The following TMEM186 variants were observed in gnomAD, a reference collection of about 807,000 sequenced individuals.
TMEM186 encodes the protein transmembrane protein 186.
A neutral mutation model predicts 2.5 loss-of-function variants in TMEM186; 2 were observed. That is an observed-to-expected ratio of 0.79 (90% CI 0.32 to 2.50). The LOEUF is 2.50. TMEM186 is among the 30% of genes most tolerant of loss of function. TMEM186 has a pLI of 0.11. For missense variants in TMEM186, 321 were observed against 276.5 expected, an observed-to-expected ratio of 1.16 and a Z score of -1.14; for synonymous variants, 120 against 104.9, an observed-to-expected ratio of 1.14 and a Z score of -0.88.
At chr16:8,797,226 G>A (rs1844763567) in intron 1 of TMEM186, among the ~76,000 whole-genome samples, 1 of 152,150 alleles carries the variant, frequency 6.6e-6, no homozygotes, top group Admixed American at 6.5e-5. Flanking sequence ...GTATTACTAG[G>A]TGGGTAGTGA....
chr16:8,795,778 A>G lies in TMEM186; in HGVS notation c.*174T>C, dbSNP rs2060571500. 1 of 784,674 alleles carries G rather than the reference A, an allele frequency of 1.3e-6. No homozygotes were observed. The highest frequency in any genetic ancestry group is 1.7e-5 in the African/African-American group (1 of 57,720). The allele number at this position is 784,674 out of a possible 1,614,324, so 48.6% of individuals were successfully genotyped here. A position where few individuals can be genotyped will look rare whatever the true frequency, so the allele number is the denominator to read the frequency against. The stretch of plus-strand genomic sequence containing the variant: ...GAACTTGCTTAGAGCCTTTTTCCTA[A>G]ACCTGTACACCAGCTCTTGCCTTGT... On this transcript the variant is annotated 3_prime_UTR_variant, in exon 2 of 2. Transcript: ENST00000333050.
In TMEM186 at chr16:8,796,307, C is replaced by A. The variant is rs752119370; in HGVS notation, c.287G>T (p.Gly96Val). 6.2e-7 allele frequency: 1 copy of A among 1,614,192 alleles called. No homozygotes were observed. The highest frequency in any genetic ancestry group is 1.7e-5 in the Admixed American group (1 of 60,026). ...LPPGYYLYSQ[G>V]LLTLNTVCLM... ...GCACACGGTGTTGAGAGTGAGGAGG[C>A]CCTGGGAGTACAAGTAATAGCCTGG... Residue 96 changes from glycine (G) to valine (V), a missense_variant, in exon 2 of 2, where the codon GGC becomes GTC. By Grantham distance (109) the Gly-to-Val change is moderately radical. Coordinates refer to ENST00000333050, the MANE Select transcript of TMEM186 (RefSeq NM_015421.4).
chr16:8,795,266 G>GT lies in TMEM186; in HGVS notation c.*685dup, dbSNP rs2060568639. 1 of 152,258 alleles carries GT rather than the reference G, an allele frequency of 6.6e-6. No individual in the cohort carries two copies. The highest frequency in any genetic ancestry group is 2.4e-5 in the African/African-American group (1 of 41,418). The allele number at this position is 152,258 out of a possible 1,614,324, so 9.4% of individuals were successfully genotyped here. A position where few individuals can be genotyped will look rare whatever the true frequency, so the allele number is the denominator to read the frequency against. ...GGGTGGTGAACAAATCTCAACTGGG[G>GT]TTTCGTGCCTACCTGGACGACATCT... On this transcript the variant is annotated 3_prime_UTR_variant, in exon 2 of 2. Transcript: ENST00000333050.
At chr16:8,797,453 GC>G (rs1050265632) in intron 1 of TMEM186, among the ~76,000 whole-genome samples, 158 bp downstream of exon 1, 21 of 21,506 alleles carry the variant, frequency 9.8e-4, no homozygotes, top group African/African-American at 2.5e-3. Flanking sequence ...CCCAAGGAGG[GC>G]AAGAGAAAGC....
At position 8,796,069 on chromosome 16, in the gene TMEM186, A is replaced by C. The variant is rs1408896207; in HGVS notation, c.525T>G (p.Phe175Leu). The C allele has an allele frequency of 3.7e-6, 6 of 1,614,238 alleles. No individual in the cohort carries two copies. The highest frequency in any genetic ancestry group is 5.1e-6 in the Non-Finnish European group (6 of 1,180,042). ...TCCCACTGTACCGCTGGATACGCAC[A>C]AACATCTCCTGAGGCCGGTCCTTGG... ...TETKDRPQEM[F>L]VRIQRYSGKQ... The change falls in exon 2 of 2, where the codon TTT becomes TTG. Residue 175 changes from phenylalanine (F) to leucine (L), a missense_variant. Transcript: ENST00000333050.
Position 8,796,024 on chromosome 16 carries a change from G to A in TMEM186, c.570C>T (p.Thr190=). ...RYSGKQTFYV[T]LRYGRILDRE... ...TGTCCAGGATGCGTCCATAGCGCAG[G>A]GTGACGTAGAAGGTCTGTTTCCCAC... The change falls in exon 2 of 2, where the codon ACC becomes ACT. Residue 190 remains threonine (T), a synonymous_variant. Coordinates refer to ENST00000333050, the MANE Select transcript of TMEM186 (RefSeq NM_015421.4). The A allele has an allele frequency of 3.1e-6, 5 of 1,614,198 alleles. No individual in the cohort carries two copies. In the South Asian group the frequency reaches 4.4e-5, roughly 14 times the overall value.
Position 8,795,857 on chromosome 16 carries a change from G to C in TMEM186, c.*95C>G. The C allele has an allele frequency of 1.4e-6, 2 of 1,428,754 alleles. No individual in the cohort carries two copies. The highest frequency in any genetic ancestry group is 2.5e-4 in the Middle Eastern group (1 of 3,946). 88.5% of individuals were successfully genotyped at this position (1,428,754 alleles called of 1,614,324 possible). A position where few individuals can be genotyped will look rare whatever the true frequency, so the allele number is the denominator to read the frequency against. On this transcript the variant is annotated 3_prime_UTR_variant, in exon 2 of 2. Coordinates refer to ENST00000333050, the MANE Select transcript of TMEM186 (RefSeq NM_015421.4). ...CCAGGGGCCCAGGCAAAGTCTCCAAGTACCCAGTCCCCTTTCTTCAGCCTT... is the reference window on the plus strand; with the variant it reads ...CCAGGGGCCCAGGCAAAGTCTCCAACTACCCAGTCCCCTTTCTTCAGCCTT...
At chr16:8,796,925 T>C (rs2060580585) in intron 1 of TMEM186, among the ~76,000 whole-genome samples, 1 of 152,152 alleles carries the variant, frequency 6.6e-6, no homozygotes, top group East Asian at 1.9e-4. Flanking sequence ...CGGCCGTCAT[T>C]AATTCAAAAC....
Position 8,796,542 on chromosome 16 carries a change from C to T in TMEM186, c.52G>A (p.Glu18Lys), listed in dbSNP as rs764063675. The T allele has an allele frequency of 2.5e-6, 4 of 1,614,046 alleles. No homozygotes were observed. The South Asian group carries it at 4.4e-5, about 18-fold the overall frequency. ...VRRFRGKAVW[E>K]RPLHGLWCCS... Reference sequence around the variant, plus strand: ...CACCACAGCCCATGGAGAGGCCTTTCCCACACAGCTTTTCCCCGAAACCTA... The same window carrying T: ...CACCACAGCCCATGGAGAGGCCTTTTCCACACAGCTTTTCCCCGAAACCTA... The change falls in exon 2 of 2, where the codon GAA (glutamate) becomes AAA (lysine). Residue 18 changes from glutamate (E) to lysine (K), a missense_variant. By Grantham distance (56) the Glu-to-Lys change is moderately conservative (BLOSUM62 1). Coordinates refer to ENST00000333050, the MANE Select transcript of TMEM186 (RefSeq NM_015421.4).
At position 8,796,029 on chromosome 16, in the gene TMEM186, C is replaced by T. The variant is rs145887653; in HGVS notation, c.565G>A (p.Val189Ile). ...AGGATGCGTCCATAGCGCAGGGTGA[C>T]GTAGAAGGTCTGTTTCCCACTGTAC... ...QRYSGKQTFY[V>I]TLRYGRILDR... Residue 189 changes from valine (V) to isoleucine (I), a missense_variant, in exon 2 of 2, where the codon GTC becomes ATC. Coordinates refer to ENST00000333050, the MANE Select transcript of TMEM186 (RefSeq NM_015421.4). 9.3e-4 allele frequency: 1,497 copies of T among 1,614,064 alleles called. 10 individuals carry two copies. The highest frequency in any genetic ancestry group is 6.5e-4 in the Admixed American group (39 of 59,996).
rs1390414958 is a variant in TMEM186, at chr16:8,795,408, A to C, written c.*544T>G. 3.2e-5 allele frequency: 5 copies of C among 154,570 alleles called. No individual in the cohort carries two copies. The highest frequency in any genetic ancestry group is 5.7e-5 in the Non-Finnish European group (4 of 69,598). 9.6% of individuals were successfully genotyped at this position (154,570 alleles called of 1,614,324 possible). A position where few individuals can be genotyped will look rare whatever the true frequency, so the allele number is the denominator to read the frequency against. On this transcript the variant is annotated 3_prime_UTR_variant, in exon 2 of 2. Transcript: ENST00000333050. ...TGCTCGAAGCCTTTCTCCCTGCTAA[A>C]ACCTCTGACCAAATGCTTAATAATA...
chr16:8,795,970 T>C lies in TMEM186; in HGVS notation c.624A>G (p.Val208=), dbSNP rs757755583. The change falls in exon 2 of 2, where the codon GTA becomes GTG. Residue 208 remains valine, a synonymous_variant. Coordinates refer to ENST00000333050, the MANE Select transcript of TMEM186 (RefSeq NM_015421.4). ...CAGTTGTTCACTTGAGCATCTGATG[T>C]ACCCCAAACACCTGTGTGAAACGCT... is the stretch of plus-strand genomic sequence containing the variant. ...DRERFTQVFG[V]HQMLK 1 of 1,613,028 alleles carries C rather than the reference T, an allele frequency of 6.2e-7. No homozygotes were observed. The highest frequency in any genetic ancestry group is 1.1e-5 in the South Asian group (1 of 91,026).
Position 8,796,201 on chromosome 16 carries a change from C to G in TMEM186, c.393G>C (p.Leu131=). 7 of 1,614,198 alleles carry G rather than the reference C, an allele frequency of 4.3e-6. No homozygotes were observed. Among genetic ancestry groups the G allele is most frequent in the Admixed American group, 1.7e-5 (1 of 60,020 alleles). The change falls in exon 2 of 2, where the codon CTG becomes CTC. Residue 131 remains leucine, a synonymous_variant. Coordinates refer to ENST00000333050, the MANE Select transcript of TMEM186 (RefSeq NM_015421.4). ...GCATGGTGCCAGACTCATTCAGATA[C>G]AGGATACCAACCAGTCTCCGTAAGA... ...SYFLRRLVGI[L]YLNESGTMLR...
rs752633100 is a variant in TMEM186 at position 8,796,389 on chromosome 16, C to G, written c.205G>C (p.Gly69Arg). The change falls in exon 2 of 2, where the codon GGG (glycine) becomes CGG (arginine). Residue 69 changes from glycine to arginine, a missense_variant. Gly to Arg is a moderately radical substitution (Grantham distance 125). Coordinates refer to ENST00000333050, the MANE Select transcript of TMEM186 (RefSeq NM_015421.4). ...GCCAACTTCAGTCGTGACAGGAACC[C>G]GAAGGTTCTGATGGCATCAAAACGG... Reference protein sequence around the residue: ...FYRFDAIRTFGFLSRLKLAQT... With the variant: ...FYRFDAIRTFRFLSRLKLAQT... The G allele has an allele frequency of 6.2e-7, 1 of 1,614,042 alleles. No homozygotes were observed. Among genetic ancestry groups the G allele is most frequent in the East Asian group, 2.2e-5 (1 of 44,898 alleles).
At chr16:8,797,553 G>A in intron 1 of TMEM186, 59 bp downstream of exon 1, 1 of 1,552,356 alleles carries the variant, frequency 6.4e-7, no homozygotes, top group Admixed American at 1.8e-5. Flanking sequence ...GCCCGCCCCA[G>A]CCCTGACCCC....
chr16:8,797,467 G>T, intron 1 of TMEM186, 145 bp downstream of exon 1: 1 of 1,117,132 alleles, frequency 9.0e-7, no homozygotes, highest in Admixed American at 2.7e-5. Flanking sequence ...GAGAAAGCCC[G>T]GGAAAAGCGA....
At chr16:8,796,646 C>G (rs181339904) in intron 1 of TMEM186, 56 bp from the exon 2 acceptor site, 23 of 1,570,512 alleles carry the variant, frequency 1.5e-5, no homozygotes, top group Non-Finnish European at 2.0e-5. Context: ...ATTAATCACA[C>G]GGTGAACATC....
rs778788015 is a variant in TMEM186, at chr16:8,797,604, C to A, written c.3+8G>T. ...CACCCCCTCAAGGCTCGCCACCCGC[C>A]TCCTTACCATGGCCCCACCACCTGC... On this transcript the variant is annotated splice_region_variant and intron_variant, in intron 1 of 1. Coordinates refer to ENST00000333050, the MANE Select transcript of TMEM186 (RefSeq NM_015421.4). The A allele has an allele frequency of 6.9e-6, 11 of 1,605,184 alleles. No homozygotes were observed. Among genetic ancestry groups the A allele is most frequent in the Admixed American group, 6.8e-5 (4 of 58,540 alleles).
At position 8,797,602 on chromosome 16, in the gene TMEM186, G is replaced by C; in HGVS notation, c.3+10C>G. The C allele has an allele frequency of 1.3e-6, 2 of 1,494,538 alleles. No individual in the cohort carries two copies. The highest frequency in any genetic ancestry group is 9.0e-7 in the Non-Finnish European group (1 of 1,109,292). 92.6% of individuals were successfully genotyped at this position (1,494,538 alleles called of 1,614,324 possible). On this transcript the variant is annotated intron_variant, in intron 1 of 1. Coordinates refer to ENST00000333050, the MANE Select transcript of TMEM186 (RefSeq NM_015421.4). ...ATCACCCCCTCAAGGCTCGCCACCC[G>C]CCTCCTTACCATGGCCCCACCACCT...
Sources: gnomAD v4.1 joint callset for allele counts (sites outside exome capture counted in the v4.1 genomes callset) on GRCh38, gnomAD v4.1.1 for gene constraint, MANE v1.5 for transcripts, NCBI Gene and HGNC (gene_info 2026-07-23, HGNC 2026-07-21) for gene names.